The following CLTCL1 variants were observed in gnomAD, a reference collection of about 807,000 sequenced individuals.
CLTCL1 encodes the protein clathrin heavy chain 2.
CLTCL1 carries 159 observed loss-of-function variants against 190.0 expected under a neutral mutation model. The ratio of observed to expected loss-of-function variants is 0.84; its 90% confidence interval spans 0.74 to 0.95. The LOEUF (loss-of-function observed/expected upper bound fraction) is 0.95, where lower values mean the gene tolerates loss of function less well. CLTCL1 is among the 40% of genes least tolerant of loss of function. The probability of loss-of-function intolerance (pLI) is 0.00; values close to 1 mark genes in which losing one functional copy is unlikely to be tolerated. For missense variants in CLTCL1, 1,878 were observed against 2,033.4 expected (o/e 0.92, Z 1.47); for synonymous variants, 752 against 769.6 (o/e 0.98, Z 0.38).
At position 19,196,730 on chromosome 22, in the gene CLTCL1, C is replaced by T. The variant is rs937207607; in HGVS notation, c.3874-74G>A. 2.8e-5 allele frequency: 42 copies of T among 1,510,730 alleles called. 1 individual carries two copies. Among genetic ancestry groups the T allele is most frequent in the Admixed American group, 7.9e-5 (4 of 50,940 alleles). The allele number at this position is 1,510,730 out of a possible 1,614,324, so 93.6% of individuals were successfully genotyped here. On this transcript the variant is annotated intron_variant, in intron 24 of 32. Transcript: ENST00000427926. The stretch of plus-strand genomic sequence containing the variant: ...GCAGCCACCCTCCAGCCCATGCCCA[C>T]GCCGCAGGGACTGTGCTTGTGACTG...
chr22:19,191,283 C>T (rs1201225937), intron 27 of CLTCL1, 21 bp downstream of exon 27: 1 of 1,613,744 alleles, frequency 6.2e-7, no homozygotes, highest in Non-Finnish European at 8.5e-7. Context: ...ACTCTTCTAC[C>T]TGGGGTTTTG....
intron 5 of CLTCL1, chr22:19,238,602 C>A: frequency 4.8e-6 from 1 of 208,430 alleles, no homozygotes; most frequent in South Asian, 8.9e-5. Flanking sequence ...CTTCAGGTCT[C>A]ATAGCACGAA....
intron 1 of CLTCL1, among the ~76,000 whole-genome samples, chr22:19,288,753 C>T (rs1555991593): frequency 6.6e-6 from 1 of 152,218 alleles, no homozygotes; most frequent in Non-Finnish European, 1.5e-5. Context: ...ACATCACCAG[C>T]AGCATGTCCT....
chr22:19,234,398 A>T (rs781981709), intron 7 of CLTCL1, 111 bp downstream of exon 7: 11 of 991,738 alleles, frequency 1.1e-5, no homozygotes, highest in African/African-American at 1.6e-5. Flanking sequence ...AACTCCTAAC[A>T]TAACACTAAT....
At chr22:19,235,185 CCT>C (rs1390395468) in intron 6 of CLTCL1, among the ~76,000 whole-genome samples, 6 of 150,664 alleles carry the variant, frequency 4.0e-5, no homozygotes, top group Non-Finnish European at 7.4e-5. Context: ...TTTTTTTTCC[CCT>C]GAGACAGGCT....
intron 1 of CLTCL1, among the ~76,000 whole-genome samples, chr22:19,279,876 T>G (rs924047944): frequency 5.9e-5 from 9 of 152,196 alleles, no homozygotes; most frequent in African/African-American, 2.2e-4. Flanking sequence ...ACTCTTGGAA[T>G]GAGGTAGAAA....
intron 1 of CLTCL1, among the ~76,000 whole-genome samples, chr22:19,286,299 T>G (rs959319716): frequency 1.3e-5 from 2 of 151,630 alleles, no homozygotes; most frequent in Non-Finnish European, 3.0e-5. Context: ...ACACCCTGGC[T>G]GAGGCAGGTT....
At chr22:19,226,524 T>C in intron 11 of CLTCL1, 141 bp from the exon 12 acceptor site, 1 of 881,972 alleles carries the variant, frequency 1.1e-6, no homozygotes, top group Non-Finnish European at 1.7e-6. Flanking sequence ...ACCTCTGTGG[T>C]GGCAGCAGTG....
chr22:19,243,007 A>C, intron 3 of CLTCL1, 71 bp from the exon 4 acceptor site: 1 of 1,413,804 alleles, frequency 7.1e-7, no homozygotes, highest in East Asian at 2.5e-5. Context: ...CTTAAAATAT[A>C]TTTCTAAAAT....
chr22:19,183,290 C>T, intron 30 of CLTCL1, 100 bp downstream of exon 30: 2 of 1,029,394 alleles, frequency 1.9e-6, no homozygotes, highest in Non-Finnish European at 2.9e-6. Context: ...TCTGGGTTGG[C>T]CTCAAAGGGG....
intron 2 of CLTCL1, among the ~76,000 whole-genome samples, 154 bp from the exon 3 acceptor site, chr22:19,254,381 T>C (rs1221079323): frequency 6.6e-6 from 1 of 152,222 alleles, no homozygotes; most frequent in Non-Finnish European, 1.5e-5. Context: ...GAGTAGTAAT[T>C]AAGCATACCT....
intron 3 of CLTCL1, 51 bp downstream of exon 3, chr22:19,253,908 T>G: frequency 6.3e-7 from 1 of 1,584,760 alleles, no homozygotes. Flanking sequence ...ATTCTAATAT[T>G]GGGCTTTGAA....
chr22:19,229,047 T>C (rs1569198862), intron 11 of CLTCL1, among the ~76,000 whole-genome samples: 1 of 152,192 alleles, frequency 6.6e-6, no homozygotes, highest in Admixed American at 6.5e-5. Flanking sequence ...AAGGTAAACA[T>C]AGAATTACTG....
intron 31 of CLTCL1, among the ~76,000 whole-genome samples, chr22:19,180,446 C>T (rs1555925329): frequency 1.3e-5 from 2 of 152,212 alleles, no homozygotes; most frequent in East Asian, 3.9e-4. Flanking sequence ...CACACACCAG[C>T]AGCAGCCTTG....
intron 3 of CLTCL1, among the ~76,000 whole-genome samples, chr22:19,247,649 A>C (rs989394098): frequency 1.3e-5 from 2 of 151,830 alleles, no homozygotes; most frequent in Non-Finnish European, 2.9e-5. Flanking sequence ...CAACCTCTGC[A>C]TCCTGGGTTC....
chr22:19,180,687 C>G lies in CLTCL1; in HGVS notation c.4903+44G>C, dbSNP rs782160605. On this transcript the variant is annotated intron_variant, in intron 31 of 32. Coordinates refer to ENST00000427926, the MANE Select transcript of CLTCL1 (RefSeq NM_007098.4). ...AGGGCAGTGGGACTTTGACTCCCTC[C>G]CTGCTCCCTCCCCAGGGGGTTGGGG... 12 of 1,600,896 alleles carry G rather than the reference C, an allele frequency of 7.5e-6. No homozygotes were observed. In the African/African-American group the frequency reaches 1.5e-4, roughly 20 times the overall value.
In CLTCL1 at chr22:19,197,526, G is replaced by A. The variant is rs549096038; in HGVS notation, c.3874-870C>T. ...CACAGCTGGGTTCAGCAAGCATCCC[G>A]CTCATCCTCCTATCCTAAACACCCT... On this transcript the variant is annotated intron_variant, in intron 24 of 32. Transcript: ENST00000427926. Among the ~76,000 whole-genome samples, 16 of 152,190 alleles carry A rather than the reference G, an allele frequency of 1.1e-4. No homozygotes were observed. In the South Asian group the frequency reaches 2.7e-3, roughly 26 times the overall value.
chr22:19,233,397 G>A (rs571273767), intron 8 of CLTCL1, 25 bp downstream of exon 8: 7 of 1,613,166 alleles, frequency 4.3e-6, no homozygotes, highest in East Asian at 2.2e-5. Context: ...GTGCGGGGGG[G>A]CTACGAGCTC....
At chr22:19,280,198 T>G (rs2087657025) in intron 1 of CLTCL1, among the ~76,000 whole-genome samples, 1 of 152,174 alleles carries the variant, frequency 6.6e-6, no homozygotes, top group Non-Finnish European at 1.5e-5. Flanking sequence ...AAAGCTTGCT[T>G]CAAAAAGCAG....
Sources: allele counts gnomAD v4.1 joint callset (sites outside exome capture counted in the v4.1 genomes callset), GRCh38; gene constraint gnomAD v4.1.1; transcripts MANE v1.5; gene names NCBI Gene and HGNC (gene_info 2026-07-23, HGNC 2026-07-21).